CADM2: variants seen among roughly 807,000 people sequenced by gnomAD.
CADM2 encodes immunoglobulin superfamily member 4D.
A neutral mutation model predicts 49.8 loss-of-function variants in CADM2; 12 were observed. The ratio of observed to expected loss-of-function variants is 0.24; its 90% CI spans 0.15 to 0.39. The LOEUF is 0.39. Among genes scored for constraint, CADM2 ranks in the 10% least tolerant of loss-of-function variants. The pLI, the probability that CADM2 is intolerant of heterozygous loss-of-function variation, is 1.00. For synonymous variants in CADM2, 214 were observed against 175.4 expected (o/e 1.22, Z -1.74); for missense variants, 378 against 492.3 (o/e 0.77, Z 2.20).
intron 1 of CADM2, among the ~76,000 whole-genome samples, chr3:85,573,239 C>A (rs1240371356): frequency 6.6e-6 from 1 of 151,518 alleles, no homozygotes; most frequent in Non-Finnish European, 1.5e-5. Flanking sequence ...GTTGCCCAGG[C>A]TGGAGTGCAG....
At chr3:85,059,669 C>T (rs2036230617) in intron 1 of CADM2, among the ~76,000 whole-genome samples, 1 of 152,050 alleles carries the variant, frequency 6.6e-6, no homozygotes, top group Admixed American at 6.5e-5. Context: ...GTGAGTGAGT[C>T]GCACAAGATC....
intron 1 of CADM2, among the ~76,000 whole-genome samples, chr3:85,634,331 A>G (rs1467034606): frequency 6.6e-6 from 1 of 152,060 alleles, no homozygotes; most frequent in Non-Finnish European, 1.5e-5. Flanking sequence ...TGTATATTTT[A>G]TGATATTAGT....
At chr3:85,289,204 A>T (rs17022680) in intron 1 of CADM2, among the ~76,000 whole-genome samples, 10,029 of 152,270 alleles carry the variant, frequency 0.066, 1,088 homozygotes, top group African/African-American at 0.23. Context: ...GACATCAATT[A>T]TATCCTGACT....
chr3:85,842,348 T>C (rs2074676178), intron 3 of CADM2, among the ~76,000 whole-genome samples: 1 of 152,106 alleles, frequency 6.6e-6, no homozygotes, highest in African/African-American at 2.4e-5. Flanking sequence ...GAAAATAAAA[T>C]GTTCTGCTTG....
intron 5 of CADM2, among the ~76,000 whole-genome samples, chr3:85,912,102 T>C (rs910470273): frequency 6.6e-5 from 10 of 151,744 alleles, no homozygotes; most frequent in African/African-American, 2.4e-4. Flanking sequence ...CGTCACCACA[T>C]CCGGCTAATT....
intron 6 of CADM2, among the ~76,000 whole-genome samples, chr3:85,925,756 G>A (rs145414125): frequency 9.3e-4 from 141 of 152,202 alleles, no homozygotes; most frequent in African/African-American, 3.3e-3. Context: ...TAAGCAATTC[G>A]TATCAATGCA....
intron 1 of CADM2, among the ~76,000 whole-genome samples, chr3:84,989,335 T>C (rs1245028037): frequency 6.6e-6 from 1 of 152,160 alleles, no homozygotes; most frequent in African/African-American, 2.4e-5. Flanking sequence ...CTGCATAAGT[T>C]TCCCACCAGA....
At chr3:85,629,950 A>G (rs1283153459) in intron 1 of CADM2, among the ~76,000 whole-genome samples, 2 of 152,006 alleles carry the variant, frequency 1.3e-5, no homozygotes, top group African/African-American at 2.4e-5. Flanking sequence ...AATTCATGTC[A>G]AATGCTCATT....
At chr3:84,961,777 A>G (rs1003355074) in intron 1 of CADM2, among the ~76,000 whole-genome samples, 3 of 152,154 alleles carry the variant, frequency 2.0e-5, no homozygotes, top group Non-Finnish European at 2.9e-5. Flanking sequence ...CGGCCGGTCA[A>G]TGCACACACT....
chr3:84,969,993 G>A (rs933776021), intron 1 of CADM2, among the ~76,000 whole-genome samples: 1 of 149,356 alleles, frequency 6.7e-6, no homozygotes, highest in African/African-American at 2.5e-5. Flanking sequence ...TATAAACAAA[G>A]AGGAATTACA....
chr3:86,046,130 A>T (rs1294776582), intron 8 of CADM2, among the ~76,000 whole-genome samples: 1 of 152,184 alleles, frequency 6.6e-6, no homozygotes, highest in African/African-American at 2.4e-5. Context: ...AATTAAAGTT[A>T]GTAAGAAGCC....
intron 1 of CADM2, among the ~76,000 whole-genome samples, chr3:85,352,076 G>T (rs2031406232): frequency 6.6e-6 from 1 of 152,056 alleles, no homozygotes; most frequent in Non-Finnish European, 1.5e-5. Context: ...GCAGATAGAA[G>T]ATTATGACAA....
At chr3:84,960,042 G>A (rs2030316026) in intron 1 of CADM2, 1 of 341,904 alleles carries the variant, frequency 2.9e-6, no homozygotes. Flanking sequence ...CCCACATCAC[G>A]CTCTTGAGCG....
At chr3:85,613,793 G>A (rs1013255739) in intron 1 of CADM2, among the ~76,000 whole-genome samples, 1 of 151,506 alleles carries the variant, frequency 6.6e-6, no homozygotes, top group Non-Finnish European at 1.5e-5. Context: ...ATTAATATCA[G>A]AAAATTAGTA....
intron 1 of CADM2, among the ~76,000 whole-genome samples, chr3:85,510,765 CTATT>C (rs369464575): frequency 1.5e-4 from 23 of 152,068 alleles, no homozygotes; most frequent in East Asian, 7.7e-4. Context: ...ATTCATCTAT[CTATT>C]TATTTATTTT....
In CADM2 at chr3:85,905,619, GAA is replaced by G. The variant is rs966733692; in HGVS notation, c.530-6751_530-6750del. Among the ~76,000 whole-genome samples the G allele has an allele frequency of 1.6e-4, 24 of 151,832 alleles. 1 individual carries two copies. The highest frequency in any genetic ancestry group is 6.6e-5 in the Admixed American group (1 of 15,258). ...TAGGAATTTCTGCAGACGAAAGAAA[GAA>G]AAGAGAGCAGAAGGGAGAGAAAGAA... On this transcript the variant is annotated intron_variant, in intron 5 of 9. Coordinates refer to ENST00000383699, the MANE Select transcript of CADM2 (RefSeq NM_001167675.2).
chr3:86,024,024 C>A (rs1733548439), intron 8 of CADM2, among the ~76,000 whole-genome samples: 1 of 152,140 alleles, frequency 6.6e-6, no homozygotes, highest in African/African-American at 2.4e-5. Context: ...CCCCATTCAC[C>A]CAGAGTTCTA....
intron 1 of CADM2, among the ~76,000 whole-genome samples, chr3:85,528,582 A>G (rs149154602): frequency 6.6e-6 from 1 of 152,310 alleles, no homozygotes; most frequent in East Asian, 1.9e-4. Context: ...AACCATAGCT[A>G]CACTGATAAG....
chr3:85,943,217 T>C (rs1192081801), intron 7 of CADM2, among the ~76,000 whole-genome samples: 2 of 144,462 alleles, frequency 1.4e-5, no homozygotes, highest in Non-Finnish European at 1.5e-5. Flanking sequence ...TTGAGTTCAT[T>C]GTAGATTCTG....
Sources: allele counts gnomAD v4.1 joint callset (sites outside exome capture counted in the v4.1 genomes callset), GRCh38; gene constraint gnomAD v4.1.1; transcripts MANE v1.5; gene names NCBI Gene and HGNC (gene_info 2026-07-23, HGNC 2026-07-21).